Variants in ARHGAP35 observed in about 807,000 individuals in gnomAD.
ARHGAP35 encodes the protein Rho GTPase activating protein 35, also known as rho GTPase-activating protein 35.
In ARHGAP35, 15 loss-of-function variants were observed where a neutral mutation model predicts 111.1. That is an observed-to-expected ratio of 0.13 (90% confidence interval 0.09 to 0.21). ARHGAP35 has a LOEUF of 0.21. Among genes scored for constraint, ARHGAP35 ranks in the 10% least tolerant of loss-of-function variants. The pLI is 1.00. For missense variants in ARHGAP35, 1,262 were observed against 1,873.0 expected, an observed-to-expected ratio of 0.67 and a Z score of 6.02; for synonymous variants, 643 against 710.3, an observed-to-expected ratio of 0.91 and a Z score of 1.51.
chr19:46,991,127 A>C (rs941811510), intron 5 of ARHGAP35, among the ~76,000 whole-genome samples: 4 of 152,160 alleles, frequency 2.6e-5, no homozygotes, highest in African/African-American at 9.7e-5. Flanking sequence ...CTGTCTGAAG[A>C]TAGAGGCTTT....
intron 1 of ARHGAP35, among the ~76,000 whole-genome samples, chr19:46,899,273 G>A (rs981492203): frequency 6.6e-6 from 1 of 152,178 alleles, no homozygotes; most frequent in Non-Finnish European, 1.5e-5. Context: ...AGGCAGGAAT[G>A]CTCATGGCAT....
At chr19:46,905,986 A>ATT (rs375012473) in intron 1 of ARHGAP35, among the ~76,000 whole-genome samples, 1 of 141,644 alleles carries the variant, frequency 7.1e-6, no homozygotes. Context: ...GCCTGGCCAC[A>ATT]TTTTTTTTTT....
intron 5 of ARHGAP35, among the ~76,000 whole-genome samples, chr19:46,990,308 GC>G (rs1280717270): frequency 1.3e-5 from 2 of 152,216 alleles, no homozygotes; most frequent in African/African-American, 4.8e-5. Context: ...AGTTGTTCCT[GC>G]CCCAGCCTGC....
chr19:46,980,111 G>A (rs375805856), intron 3 of ARHGAP35, among the ~76,000 whole-genome samples: 1 of 152,128 alleles, frequency 6.6e-6, no homozygotes. Context: ...AGGGCCGGGC[G>A]CGGTGTCTCA....
chr19:46,968,960 G>A (rs781094148), intron 3 of ARHGAP35, among the ~76,000 whole-genome samples: 2 of 152,106 alleles, frequency 1.3e-5, no homozygotes, highest in African/African-American at 2.4e-5. Flanking sequence ...AGTGGTGTGT[G>A]CCTGTAATCC....
chr19:46,876,640 G>A (rs567738424), intron 1 of ARHGAP35, among the ~76,000 whole-genome samples: 1 of 151,650 alleles, frequency 6.6e-6, no homozygotes, highest in Non-Finnish European at 1.5e-5. Flanking sequence ...CAAAGTGCTG[G>A]GATTACAGGC....
chr19:46,937,981 G>C (rs1226272163), intron 3 of ARHGAP35, among the ~76,000 whole-genome samples: 1 of 152,102 alleles, frequency 6.6e-6, no homozygotes, highest in Admixed American at 6.5e-5. Flanking sequence ...GACTGTCTTG[G>C]GAAATTTTTT....
rs1482214182 is a variant in ARHGAP35 at position 47,001,553 on chromosome 19, G to A, written c.*865G>A. The A allele has an allele frequency of 2.0e-6, 1 of 492,270 alleles. No individual in the cohort carries two copies. Among genetic ancestry groups the A allele is most frequent in the East Asian group, 6.9e-5 (1 of 14,398 alleles). The allele number at this position is 492,270 out of a possible 1,614,324, so 30.5% of individuals were successfully genotyped here. A position where few individuals can be genotyped will look rare whatever the true frequency, so the allele number is the denominator to read the frequency against. On this transcript the variant is annotated 3_prime_UTR_variant, in exon 7 of 7. Transcript: ENST00000672722. The surrounding 1 kb of genome is among the most constrained non-coding windows in gnomAD (Gnocchi z 5.4). The stretch of plus-strand genomic sequence containing the variant: ...CAGGATGCCTGGAGCTGTGGCCTGA[G>A]GGCCTGCTGGGGTCCCACTCACCCA...
rs190175786 is a variant in ARHGAP35, at chr19:46,912,806, C to T, written c.-188-5682C>T. ...TTCTTGTTCCACCCCTCCCACCCCC[C>T]AACTGAGTCTTTTCAAGTGTCTACC... On this transcript the variant is annotated intron_variant, in intron 1 of 6. Transcript: ENST00000672722. Among the ~76,000 whole-genome samples, 7 of 152,086 alleles carry T rather than the reference C, an allele frequency of 4.6e-5. 1 individual carries two copies. Among genetic ancestry groups the T allele is most frequent in the Admixed American group, 4.6e-4 (7 of 15,252 alleles).
intron 1 of ARHGAP35, among the ~76,000 whole-genome samples, chr19:46,913,446 T>C (rs1480315110): frequency 6.6e-6 from 1 of 152,066 alleles, no homozygotes; most frequent in Non-Finnish European, 1.5e-5. Flanking sequence ...GAGTGTTTCA[T>C]AGAGGTGTTA....
intron 1 of ARHGAP35, among the ~76,000 whole-genome samples, chr19:46,862,536 A>G (rs571971314): frequency 6.6e-6 from 1 of 151,654 alleles, no homozygotes; most frequent in African/African-American, 2.4e-5. Flanking sequence ...CCTGTTCTGC[A>G]TCTCACAGAC....
intron 3 of ARHGAP35, among the ~76,000 whole-genome samples, chr19:46,958,464 G>A (rs1282989471): frequency 1.3e-5 from 2 of 151,984 alleles, no homozygotes; most frequent in Non-Finnish European, 2.9e-5. Context: ...TTCCTTCCTA[G>A]TCTAACAAAT....
intron 1 of ARHGAP35, among the ~76,000 whole-genome samples, chr19:46,872,227 A>G (rs2055891496): frequency 6.6e-6 from 1 of 152,188 alleles, no homozygotes. Context: ...GTGGGAAAAA[A>G]TAGGATATAG....
At chr19:46,975,520 T>G (rs2056575234) in intron 3 of ARHGAP35, among the ~76,000 whole-genome samples, 1 of 152,172 alleles carries the variant, frequency 6.6e-6, no homozygotes, top group African/African-American at 2.4e-5. Context: ...CATACATGGT[T>G]TATTAGTTAA....
At position 46,994,132 on chromosome 19, in the gene ARHGAP35, G is replaced by C. The variant is rs1272536989; in HGVS notation, c.4036+4457G>C. Among the ~76,000 whole-genome samples the C allele has an allele frequency of 6.6e-6, 1 of 152,130 alleles. No homozygotes were observed. The highest frequency in any genetic ancestry group is 1.5e-5 in the Non-Finnish European group (1 of 68,004). On this transcript the variant is annotated intron_variant, in intron 5 of 6. Transcript: ENST00000672722. This position sits in a 1 kb window ranked among gnomAD's most constrained non-coding sequence, Gnocchi z 5.4. ...GCCAGGTGTGGGGAGAAGCCACCCT[G>C]GGCACCTGTACCATGGCGGGTCCGG...
At chr19:46,980,391 A>AAAT (rs908271152) in intron 3 of ARHGAP35, among the ~76,000 whole-genome samples, 31 of 152,244 alleles carry the variant, frequency 2.0e-4, no homozygotes, top group South Asian at 8.3e-4. Context: ...GTCATCTCAA[A>AAAT]AATAATAATA....
At chr19:46,968,209 A>C (rs367749351) in intron 3 of ARHGAP35, among the ~76,000 whole-genome samples, 4 of 152,386 alleles carry the variant, frequency 2.6e-5, no homozygotes, top group Admixed American at 2.0e-4. Flanking sequence ...AAGAAGATTC[A>C]TATAACACTA....
rs185677738 is a variant in ARHGAP35 at position 46,884,902 on chromosome 19, G to A, written c.-189+23693G>A. ...TGGCTACTTTTTAAAATTTTTAGTA[G>A]ACATGAGATCTTGCTATGTTGCCCA... On this transcript the variant is annotated intron_variant, in intron 1 of 6. Transcript: ENST00000672722. Among the ~76,000 whole-genome samples the A allele has an allele frequency of 3.5e-4, 53 of 152,138 alleles. No homozygotes were observed. The East Asian group carries it at 9.8e-3, about 28-fold the overall frequency.
chr19:46,999,252 G>T lies in ARHGAP35; in HGVS notation c.4037-52G>T. ...CCCATCACAGAGCACGCCCTGGGGT[G>T]GCCACCAGCCTCGGCCATGAAAGGC... On this transcript the variant is annotated intron_variant, in intron 5 of 6. Coordinates refer to ENST00000672722, the MANE Select transcript of ARHGAP35 (RefSeq NM_004491.5). This position sits in a 1 kb window ranked among gnomAD's most constrained non-coding sequence, Gnocchi z 5.4. 1 of 1,320,442 alleles carries T rather than the reference G, an allele frequency of 7.6e-7. No homozygotes were observed. 81.8% of individuals were successfully genotyped at this position (1,320,442 alleles called of 1,614,324 possible). A position where few individuals can be genotyped will look rare whatever the true frequency, so the allele number is the denominator to read the frequency against.
Sources: gnomAD v4.1 joint callset for allele counts (sites outside exome capture counted in the v4.1 genomes callset) on GRCh38, gnomAD v4.1.1 for gene constraint, Gnocchi (gnomAD v3.1) non-coding constraint, MANE v1.5 for transcripts, NCBI Gene and HGNC (gene_info 2026-07-23, HGNC 2026-07-21) for gene names.